Variants in MATN2 observed in about 807,000 individuals in gnomAD.
MATN2 encodes the protein matrilin 2, also known as matrilin-2.
Under a neutral mutation model 103.2 loss-of-function variants are expected in MATN2, and 69 were observed. The ratio of observed to expected loss-of-function variants is 0.67; its 90% confidence interval spans 0.55 to 0.82. The LOEUF is 0.82. MATN2 is among the 40% of genes least tolerant of loss of function. The pLI is 0.00. For missense variants in MATN2, 1,023 were observed against 1,211.5 expected, an observed-to-expected ratio of 0.84 and a Z score of 2.31; for synonymous variants, 429 against 450.2, an observed-to-expected ratio of 0.95 and a Z score of 0.60.
Position 98,007,775 on chromosome 8 carries a change from C to T in MATN2, c.1573+174C>T, listed in dbSNP as rs1041744945. Reference sequence around the variant, plus strand: ...TAAGCCTTGGTGGCTGCTTCACCAACTCCCCTCAATCTTCCTTCCCCCGTG... The same window carrying T: ...TAAGCCTTGGTGGCTGCTTCACCAATTCCCCTCAATCTTCCTTCCCCCGTG... On this transcript the variant is annotated intron_variant, in intron 10 of 18. Coordinates refer to ENST00000254898, the MANE Select transcript of MATN2 (RefSeq NM_002380.5). This position sits in a 1 kb window ranked among gnomAD's most constrained non-coding sequence, Gnocchi z 4.2. 6.6e-6 allele frequency among the ~76,000 whole-genome samples: 1 copy of T among 152,184 alleles called. No homozygotes were observed. Among genetic ancestry groups the T allele is most frequent in the Non-Finnish European group, 1.5e-5 (1 of 68,040 alleles).
rs774021302 is a variant in MATN2 at position 97,931,246 on chromosome 8, A to T, written c.436A>T (p.Ile146Phe). ...GCTGGCCATCCAGTATGCCCTGAAC[A>T]TCGCATTCTCAGAAGCAGAGGGGGC... is the stretch of plus-strand genomic sequence containing the variant. ...TGLAIQYALN[I>F]AFSEAEGARP... Residue 146 changes from isoleucine to phenylalanine, a missense_variant, in exon 3 of 19, where the codon ATC becomes TTC. Physicochemically the swap from Ile to Phe is conservative, Grantham distance 21. Transcript: ENST00000254898. This position sits in a 1 kb window ranked among gnomAD's most constrained non-coding sequence, Gnocchi z 4.1. The T allele has an allele frequency of 1.9e-6, 3 of 1,613,958 alleles. No individual in the cohort carries two copies. The East Asian group carries it at 6.7e-5, about 36-fold the overall frequency.
chr8:97,946,803 T>C (rs1367713873), intron 4 of MATN2, among the ~76,000 whole-genome samples: 1 of 152,228 alleles, frequency 6.6e-6, no homozygotes, highest in Non-Finnish European at 1.5e-5. Flanking sequence ...GCTTTCATTC[T>C]TTGGAAATGT....
chr8:97,912,361 G>A (rs1030067517), intron 2 of MATN2, among the ~76,000 whole-genome samples: 11 of 152,222 alleles, frequency 7.2e-5, no homozygotes, highest in African/African-American at 2.7e-4. Context: ...GGCTTCCATA[G>A]CAACCCTAAC....
chr8:98,017,946 T>C, intron 11 of MATN2, 48 bp from the exon 12 acceptor site: 2 of 1,604,430 alleles, frequency 1.2e-6, no homozygotes, highest in Non-Finnish European at 1.7e-6. Flanking sequence ...GAAGTCCATG[T>C]GAAATGTATG....
chr8:98,006,994 T>C (rs1281694055), intron 8 of MATN2, 111 bp from the exon 9 acceptor site: 12 of 1,167,358 alleles, frequency 1.0e-5, no homozygotes, highest in Non-Finnish European at 1.5e-5. Context: ...TGGGGTAGAA[T>C]GACACCTTCC....
intron 3 of MATN2, among the ~76,000 whole-genome samples, chr8:97,934,149 C>A (rs1383002303): frequency 1.3e-5 from 2 of 152,210 alleles, no homozygotes; most frequent in Non-Finnish European, 2.9e-5. Flanking sequence ...GCCAGGTAAA[C>A]CTACTTTGCA....
rs1353575632 is a variant in MATN2 at position 98,030,588 on chromosome 8, A to G, written c.2483A>G (p.Glu828Gly). ...EDFSTMDEIS[E>G]KLKKGICEAL... ...TTCAGCACAATGGATGAGATAAGTG[A>G]AAAACTCAAGAAAGGCATCTGTGAA... The change falls in exon 15 of 19, where the codon GAA becomes GGA. Residue 828 changes from glutamate (E) to glycine (G), a missense_variant. By Grantham distance (98) the Glu-to-Gly change is moderately conservative (BLOSUM62 -2). Transcript: ENST00000254898. The G allele has an allele frequency of 1.9e-6, 3 of 1,613,888 alleles. No homozygotes were observed. The Admixed American group carries it at 5.0e-5, about 27-fold the overall frequency.
chr8:97,970,511 G>A (rs1442639388), intron 5 of MATN2, among the ~76,000 whole-genome samples: 1 of 152,098 alleles, frequency 6.6e-6, no homozygotes, highest in Non-Finnish European at 1.5e-5. Flanking sequence ...AAACATTAGG[G>A]GTTCAGTCTA....
At chr8:98,014,701 C>T (rs1226002139) in intron 10 of MATN2, among the ~76,000 whole-genome samples, 1 of 152,152 alleles carries the variant, frequency 6.6e-6, no homozygotes, top group Non-Finnish European at 1.5e-5. Flanking sequence ...TCTTGACAAG[C>T]CATCAGCCTT....
chr8:98,026,525 G>A (rs1168643591), intron 13 of MATN2, among the ~76,000 whole-genome samples: 1 of 152,078 alleles, frequency 6.6e-6, no homozygotes, highest in Non-Finnish European at 1.5e-5. Context: ...CAATGCACTG[G>A]GGATTATAGG....
At position 98,012,577 on chromosome 8, in the gene MATN2, C is replaced by T. The variant is rs1055186393; in HGVS notation, c.1574-3963C>T. Among the ~76,000 whole-genome samples, 3 of 152,180 alleles carry T rather than the reference C, an allele frequency of 2.0e-5. No individual in the cohort carries two copies. The South Asian group carries it at 6.2e-4, about 32-fold the overall frequency. On this transcript the variant is annotated intron_variant, in intron 10 of 18. Transcript: ENST00000254898. ...CGGGGTACTGAATGCGAGAGGGAGG[C>T]GGTGGGTGAGAAACGAGCCTGGGGA...
At chr8:97,905,905 C>T (rs1357655002) in intron 2 of MATN2, among the ~76,000 whole-genome samples, 1 of 152,154 alleles carries the variant, frequency 6.6e-6, no homozygotes, top group Non-Finnish European at 1.5e-5. Flanking sequence ...AAGCAATCCA[C>T]CTGCCATGGC....
Position 97,978,958 on chromosome 8 carries a change from G to C in MATN2, c.1031G>C (p.Cys344Ser). 1 of 1,613,516 alleles carries C rather than the reference G, an allele frequency of 6.2e-7. No individual in the cohort carries two copies. Among genetic ancestry groups the C allele is most frequent in the Non-Finnish European group, 8.5e-7 (1 of 1,179,614 alleles). The change falls in exon 6 of 19, where the codon TGC becomes TCC. Residue 344 changes from cysteine to serine, a missense_variant. By Grantham distance (112) the Cys-to-Ser change is moderately radical (BLOSUM62 -1). Transcript: ENST00000254898. ...ECVNADGSYL[C>S]QCHEGFALNP... ...GTAAATGCTGATGGCTCCTACCTTT[G>C]CCAGTGCCATGAAGGATTTGCTCTT... is the stretch of plus-strand genomic sequence containing the variant.
chr8:97,913,995 C>T (rs575979110), intron 2 of MATN2, among the ~76,000 whole-genome samples: 2 of 152,166 alleles, frequency 1.3e-5, no homozygotes, highest in African/African-American at 2.4e-5. Context: ...AAGGGCCCAT[C>T]GTTGACCTAA....
intron 1 of MATN2, among the ~76,000 whole-genome samples, chr8:97,880,589 T>C (rs558432718): frequency 6.6e-6 from 1 of 152,340 alleles, no homozygotes; most frequent in South Asian, 2.1e-4. Context: ...TTTCTTGCTG[T>C]AATATGCTTC....
At chr8:97,984,682 C>T (rs918355396) in intron 6 of MATN2, among the ~76,000 whole-genome samples, 4 of 152,174 alleles carry the variant, frequency 2.6e-5, no homozygotes, top group Admixed American at 2.0e-4. Context: ...TCTAAACTCT[C>T]AAAAACACAC....
intron 7 of MATN2, among the ~76,000 whole-genome samples, chr8:97,997,916 C>A (rs1812644818): frequency 6.7e-6 from 1 of 150,004 alleles, no homozygotes; most frequent in Non-Finnish European, 1.5e-5. Context: ...GTCTCCCAGG[C>A]TCAGGTGATT....
rs182475354 is a variant in MATN2 at position 98,020,256 on chromosome 8, C to T, written c.1820-949C>T. ...CACCTCCTGGGCTCAAGCGATCTTC[C>T]CACCTCAGCCTCCTGAGTAGCTGGG... On this transcript the variant is annotated intron_variant, in intron 12 of 18. Coordinates refer to ENST00000254898, the MANE Select transcript of MATN2 (RefSeq NM_002380.5). 5.3e-5 allele frequency among the ~76,000 whole-genome samples: 8 copies of T among 152,346 alleles called. No homozygotes were observed. The East Asian group carries it at 1.2e-3, about 22-fold the overall frequency.
intron 2 of MATN2, among the ~76,000 whole-genome samples, chr8:97,916,396 AATTTT>A (rs1809631912): frequency 6.6e-6 from 1 of 152,110 alleles, no homozygotes; most frequent in African/African-American, 2.4e-5. Context: ...TTTTAACTTT[AATTTT>A]AAGTTCAGGG....
Sources: gnomAD v4.1 joint callset for allele counts (sites outside exome capture counted in the v4.1 genomes callset) on GRCh38, gnomAD v4.1.1 for gene constraint, Gnocchi (gnomAD v3.1) non-coding constraint, MANE v1.5 for transcripts, NCBI Gene and HGNC (gene_info 2026-07-23, HGNC 2026-07-21) for gene names.